Variants in CNTNAP2 observed in about 807,000 individuals in gnomAD.
The protein encoded by CNTNAP2 is contactin-associated protein-like 2.
In CNTNAP2, 98 loss-of-function variants were observed where a neutral mutation model predicts 155.2. That is an observed-to-expected ratio of 0.63 (90% CI 0.54 to 0.75). The LOEUF is 0.75. CNTNAP2 is among the 30% of genes least tolerant of loss of function. The pLI, the probability that CNTNAP2 is intolerant of heterozygous loss-of-function variation, is 0.00. For synonymous variants in CNTNAP2, 651 were observed against 631.2 expected (o/e 1.03, Z -0.47); for missense variants, 1,727 against 1,688.1 (o/e 1.02, Z -0.40).
chr7:148,179,706 GAGAAAGAGGGAGAGAA>G (rs1275307650), intron 18 of CNTNAP2, among the ~76,000 whole-genome samples: 2 of 151,152 alleles, frequency 1.3e-5, no homozygotes, highest in African/African-American at 2.4e-5. Context: ...GAAAAGGGAG[GAGAAAGAGGGAGAGAA>G]AGAAGGAGGA....
chr7:146,479,277 G>A (rs184713728), intron 1 of CNTNAP2, among the ~76,000 whole-genome samples: 2 of 152,222 alleles, frequency 1.3e-5, no homozygotes, highest in East Asian at 1.9e-4. Context: ...CTATAAAGAT[G>A]AGTTATCTAT....
rs140687348 is a variant in CNTNAP2, at chr7:146,571,491, T to C, written c.98-202780T>C. On this transcript the variant is annotated intron_variant, in intron 1 of 23. Coordinates refer to ENST00000361727, the MANE Select transcript of CNTNAP2 (RefSeq NM_014141.6). Reference sequence around the variant, plus strand: ...TCAGGTACTAGAAAATTACCTTGCATATCATTAATAGTTTATAGGACTTTT... The same window carrying C: ...TCAGGTACTAGAAAATTACCTTGCACATCATTAATAGTTTATAGGACTTTT... Among the ~76,000 whole-genome samples, 402 of 152,240 alleles carry C rather than the reference T, an allele frequency of 2.6e-3. 2 individuals carry two copies. The highest frequency in any genetic ancestry group is 9.3e-3 in the African/African-American group (387 of 41,562).
chr7:147,778,662 A>C (rs1196266334), intron 13 of CNTNAP2, among the ~76,000 whole-genome samples: 1 of 152,116 alleles, frequency 6.6e-6, no homozygotes, highest in African/African-American at 2.4e-5. Context: ...GAAAAAAATA[A>C]ATTTTATATT....
intron 9 of CNTNAP2, among the ~76,000 whole-genome samples, chr7:147,379,520 A>AT (rs537518226): frequency 5.9e-5 from 9 of 152,052 alleles, no homozygotes; most frequent in Non-Finnish European, 1.0e-4. Flanking sequence ...GCTTGGAACC[A>AT]TTTTTTCTAT....
intron 3 of CNTNAP2, among the ~76,000 whole-genome samples, chr7:146,955,722 G>A (rs1797420143): frequency 6.6e-6 from 1 of 152,020 alleles, no homozygotes; most frequent in South Asian, 2.1e-4. Flanking sequence ...TTAGTTGGAA[G>A]AGATGTATGA....
chr7:148,268,918 C>A (rs1336355087), intron 21 of CNTNAP2, among the ~76,000 whole-genome samples: 2 of 151,800 alleles, frequency 1.3e-5, no homozygotes, highest in African/African-American at 4.8e-5. Context: ...GTGCTGTAAT[C>A]CCTGTGGCAG....
chr7:146,494,386 T>C (rs1187123964), intron 1 of CNTNAP2, among the ~76,000 whole-genome samples: 1 of 151,738 alleles, frequency 6.6e-6, no homozygotes, highest in African/African-American at 2.4e-5. Flanking sequence ...TAAAAATGCT[T>C]TGTATGTAGT....
At chr7:146,411,995 C>T (rs531934097) in intron 1 of CNTNAP2, among the ~76,000 whole-genome samples, 6 of 152,132 alleles carry the variant, frequency 3.9e-5, no homozygotes, top group African/African-American at 1.2e-4. Flanking sequence ...CATTACCACA[C>T]CCTGCTACTC....
At chr7:147,908,200 A>G (rs1343632419) in intron 14 of CNTNAP2, among the ~76,000 whole-genome samples, 3 of 152,220 alleles carry the variant, frequency 2.0e-5, no homozygotes, top group Non-Finnish European at 4.4e-5. Context: ...ACAACGCCAC[A>G]TGCAGATGTT....
chr7:147,941,790 T>A (rs1400742103), intron 14 of CNTNAP2, among the ~76,000 whole-genome samples: 3 of 152,184 alleles, frequency 2.0e-5, no homozygotes, highest in African/African-American at 7.2e-5. Context: ...GGCAGTACCA[T>A]TTCTTGCTCA....
chr7:148,264,008 G>A (rs574531400), intron 20 of CNTNAP2, among the ~76,000 whole-genome samples: 65 of 152,224 alleles, frequency 4.3e-4, no homozygotes, highest in Admixed American at 3.9e-3. Context: ...ATTTCCCTTC[G>A]GTGCTCGCGA....
chr7:146,628,979 C>T (rs561229251), intron 1 of CNTNAP2, among the ~76,000 whole-genome samples: 3 of 152,260 alleles, frequency 2.0e-5, no homozygotes, highest in South Asian at 2.1e-4. Context: ...CAAACTTTCA[C>T]GTACCTGTGA....
At chr7:147,258,922 T>C (rs564780495) in intron 8 of CNTNAP2, among the ~76,000 whole-genome samples, 10 of 152,344 alleles carry the variant, frequency 6.6e-5, no homozygotes, top group Admixed American at 4.6e-4. Flanking sequence ...GGATGAGTCA[T>C]ATGTTTCTTT....
chr7:146,632,313 A>G (rs1252066507), intron 1 of CNTNAP2, among the ~76,000 whole-genome samples: 2 of 152,160 alleles, frequency 1.3e-5, no homozygotes, highest in African/African-American at 4.8e-5. Context: ...ATGTGAATAT[A>G]TTTTTGTTAT....
intron 1 of CNTNAP2, among the ~76,000 whole-genome samples, chr7:146,338,490 C>A (rs2129096083): frequency 6.6e-6 from 1 of 152,136 alleles, no homozygotes; most frequent in East Asian, 1.9e-4. Flanking sequence ...ACTCGTAGCC[C>A]ATCTAATTTT....
chr7:147,338,351 A>C (rs983267334), intron 9 of CNTNAP2, among the ~76,000 whole-genome samples: 3 of 55,834 alleles, frequency 5.4e-5, no homozygotes, highest in African/African-American at 4.7e-4. Flanking sequence ...TCTTTTCCTC[A>C]TGTAAAAAAT....
intron 14 of CNTNAP2, among the ~76,000 whole-genome samples, chr7:147,928,959 G>A (rs1319073787): frequency 1.3e-5 from 2 of 151,640 alleles, no homozygotes; most frequent in Admixed American, 1.3e-4. Flanking sequence ...GGGTGTGGTG[G>A]CACACACCTG....
At chr7:148,359,808 A>G (rs1798582889) in intron 21 of CNTNAP2, among the ~76,000 whole-genome samples, 1 of 152,228 alleles carries the variant, frequency 6.6e-6, no homozygotes, top group Non-Finnish European at 1.5e-5. Context: ...CCTGGGATAC[A>G]TAGGAAATCA....
At chr7:148,082,611 A>G (rs576993808) in intron 15 of CNTNAP2, among the ~76,000 whole-genome samples, 17 of 152,276 alleles carry the variant, frequency 1.1e-4, no homozygotes, top group Middle Eastern at 3.4e-3. Context: ...GGGGATTCGC[A>G]GGTTTAAGGA....
Sources: allele counts gnomAD v4.1 joint callset (sites outside exome capture counted in the v4.1 genomes callset), GRCh38; gene constraint gnomAD v4.1.1; transcripts MANE v1.5; gene names NCBI Gene and HGNC (gene_info 2026-07-23, HGNC 2026-07-21).